The following CRYBG1 variants were observed in gnomAD, a reference collection of about 807,000 sequenced individuals.
CRYBG1 encodes beta/gamma crystallin domain-containing protein 1.
Under a neutral mutation model 189.2 loss-of-function variants are expected in CRYBG1, and 139 were observed. The ratio of observed to expected loss-of-function variants is 0.73; its 90% CI spans 0.64 to 0.85. The LOEUF is 0.85. CRYBG1 is among the 40% of genes least tolerant of loss of function. The pLI is 0.00. For synonymous variants in CRYBG1, 1,023 were observed against 1,017.1 expected (o/e 1.01, Z -0.11); for missense variants, 2,611 against 2,675.8 (o/e 0.98, Z 0.53).
At chr6:106,552,369 T>C (rs1774423992) in intron 15 of CRYBG1, 153 bp downstream of exon 15, 1 of 451,176 alleles carries the variant, frequency 2.2e-6, no homozygotes, top group Non-Finnish European at 3.8e-6. Context: ...GTGGATCACT[T>C]GAGCTCAGGA....
chr6:106,528,152 G>C (rs190498368), intron 7 of CRYBG1, among the ~76,000 whole-genome samples: 11 of 152,344 alleles, frequency 7.2e-5, no homozygotes, highest in Non-Finnish European at 1.2e-4. Flanking sequence ...ATGAGAATGA[G>C]TAAGGATGAG....
At chr6:106,394,496 A>G (rs544483965) in intron 1 of CRYBG1, among the ~76,000 whole-genome samples, 1 of 152,326 alleles carries the variant, frequency 6.6e-6, no homozygotes, top group East Asian at 1.9e-4. Flanking sequence ...TAAAGTTGTT[A>G]CTAAGGGATT....
rs150219944 is a variant in CRYBG1, at chr6:106,412,269, A to G, written c.174-39425A>G. 8.8e-4 allele frequency among the ~76,000 whole-genome samples: 134 copies of G among 152,354 alleles called. 1 individual carries two copies. Among genetic ancestry groups the G allele is most frequent in the African/African-American group, 3.0e-3 (126 of 41,588 alleles). Reference sequence around the variant, plus strand: ...GCTTGATTGAATGTATTTGTTCCCAATACTACATCAGGCAGCCTCACACTG... The same window carrying G: ...GCTTGATTGAATGTATTTGTTCCCAGTACTACATCAGGCAGCCTCACACTG... On this transcript the variant is annotated intron_variant, in intron 1 of 21. Coordinates refer to ENST00000633556, the MANE Select transcript of CRYBG1 (RefSeq NM_001371242.2).
Position 106,420,746 on chromosome 6 carries a change from C to T in CRYBG1, c.174-30948C>T, listed in dbSNP as rs540150670. 2.6e-5 allele frequency: 4 copies of T among 153,216 alleles called. No individual in the cohort carries two copies. The South Asian group carries it at 8.3e-4, about 32-fold the overall frequency. The allele number at this position is 153,216 out of a possible 1,614,324, so 9.5% of individuals were successfully genotyped here. A position where few individuals can be genotyped will look rare whatever the true frequency, so the allele number is the denominator to read the frequency against. ...AGTGGTGTTTACAACTAATTGATCA[C>T]AACCAGTTACAGATTTCATTGTTCC... On this transcript the variant is annotated intron_variant, in intron 1 of 21. Transcript: ENST00000633556.
intron 1 of CRYBG1, among the ~76,000 whole-genome samples, chr6:106,381,228 T>C (rs934206047): frequency 1.3e-5 from 2 of 152,166 alleles, no homozygotes; most frequent in African/African-American, 2.4e-5. Flanking sequence ...TTTACAAAAT[T>C]TGTGTCTGGC....
intron 13 of CRYBG1, 69 bp downstream of exon 13, chr6:106,545,002 G>A: frequency 7.5e-7 from 1 of 1,327,894 alleles, no homozygotes. Context: ...ACTGGTAAGA[G>A]TCTATCACAG....
chr6:106,452,238 C>T (rs1207152388), intron 2 of CRYBG1, among the ~76,000 whole-genome samples: 1 of 127,634 alleles, frequency 7.8e-6, no homozygotes, highest in Admixed American at 8.4e-5. Context: ...GAAACCCAGA[C>T]TCTACTAAAA....
chr6:106,559,508 G>A (rs1774647003), intron 18 of CRYBG1, among the ~76,000 whole-genome samples: 1 of 152,106 alleles, frequency 6.6e-6, no homozygotes, highest in African/African-American at 2.4e-5. Flanking sequence ...GCCGGGCTGG[G>A]TGCAGTGGCT....
At chr6:106,567,905 A>G (rs1774938135) in intron 21 of CRYBG1, among the ~76,000 whole-genome samples, 1 of 152,166 alleles carries the variant, frequency 6.6e-6, no homozygotes, top group East Asian at 1.9e-4. Flanking sequence ...CTGAGTCCCC[A>G]GTAGTGACAA....
In CRYBG1 at chr6:106,512,111, C is replaced by A. The variant is rs971199787; in HGVS notation, c.994C>A (p.Arg332Ser). The change falls in exon 3 of 22, where the codon CGC becomes AGC. Residue 332 changes from arginine to serine, a missense_variant. By Grantham distance (110) the Arg-to-Ser change is moderately radical (BLOSUM62 -1). This residue lies in a region of CRYBG1 where 985 missense variants were observed against 924.4 expected (regional missense o/e 1.07). Transcript: ENST00000633556. ...AGGCTCCCTGGGGCCCCGCAACGCCCGCAGCCAGCCCCCCAAGGGCGCGTC... is the reference window on the plus strand; with the variant it reads ...AGGCTCCCTGGGGCCCCGCAACGCCAGCAGCCAGCCCCCCAAGGGCGCGTC... ...EEGSLGPRNA[R>S]SQPPKGASDL... is the part of the protein sequence containing the mutation. The A allele has an allele frequency of 2.0e-6, 3 of 1,534,404 alleles. No individual in the cohort carries two copies. Among genetic ancestry groups the A allele is most frequent in the African/African-American group, 2.7e-5 (2 of 73,006 alleles).
chr6:106,519,638 T>C lies in CRYBG1; in HGVS notation c.2430T>C (p.His810=), dbSNP rs757533499. 1 of 1,614,064 alleles carries C rather than the reference T, an allele frequency of 6.2e-7. No homozygotes were observed. The highest frequency in any genetic ancestry group is 1.3e-5 in the African/African-American group (1 of 74,926). The change falls in exon 4 of 22, where the codon CAT becomes CAC. Residue 810 remains histidine (H), a synonymous_variant. Coordinates refer to ENST00000633556, the MANE Select transcript of CRYBG1 (RefSeq NM_001371242.2). The part of the protein sequence containing the change: ...VASALIPVKD[H]KLLEKEDSEA... The stretch of plus-strand genomic sequence containing the variant: ...CTGCTCTGATTCCTGTCAAGGATCA[T>C]AAGCTCTTAGAGAAGGAGGACTCAG...
chr6:106,416,538 G>A (rs1771024474), intron 1 of CRYBG1, among the ~76,000 whole-genome samples: 1 of 152,184 alleles, frequency 6.6e-6, no homozygotes, highest in South Asian at 2.1e-4. Context: ...AGTACCTCTG[G>A]CACAGATTTT....
At chr6:106,392,244 G>A (rs1174744965) in intron 1 of CRYBG1, among the ~76,000 whole-genome samples, 1 of 151,976 alleles carries the variant, frequency 6.6e-6, no homozygotes, top group Non-Finnish European at 1.5e-5. Flanking sequence ...ATTGCCCTTT[G>A]CTCCCCAAGC....
At chr6:106,460,259 G>A (rs1771982135) in intron 2 of CRYBG1, among the ~76,000 whole-genome samples, 1 of 151,884 alleles carries the variant, frequency 6.6e-6, no homozygotes, top group Non-Finnish European at 1.5e-5. Flanking sequence ...CCAAAGTGCT[G>A]GGATTACAGG....
chr6:106,538,780 C>G (rs1774061255), intron 8 of CRYBG1, among the ~76,000 whole-genome samples: 2 of 151,866 alleles, frequency 1.3e-5, no homozygotes, highest in Admixed American at 1.3e-4. Flanking sequence ...CCTGTACTCC[C>G]AGCTACTTGG....
chr6:106,445,319 G>A (rs1771646008), intron 1 of CRYBG1, among the ~76,000 whole-genome samples: 1 of 152,152 alleles, frequency 6.6e-6, no homozygotes, highest in Non-Finnish European at 1.5e-5. Context: ...CTCTGAGTGA[G>A]GAGTTGGGTG....
At chr6:106,419,451 C>T (rs996352579) in intron 1 of CRYBG1, among the ~76,000 whole-genome samples, 13 of 152,160 alleles carry the variant, frequency 8.5e-5, no homozygotes, top group African/African-American at 1.9e-4. Flanking sequence ...GGTGTGATCA[C>T]GGCTCACTGC....
chr6:106,366,139 C>T lies in CRYBG1; in HGVS notation c.173+5058C>T, dbSNP rs140898701. On this transcript the variant is annotated intron_variant, in intron 1 of 21. Coordinates refer to ENST00000633556, the MANE Select transcript of CRYBG1 (RefSeq NM_001371242.2). Reference sequence around the variant, plus strand: ...TCTGGAACTGTAGAGTGTTAGTCTTCGTAACTTAAAATTGATTCTAGTTTC... The same window carrying T: ...TCTGGAACTGTAGAGTGTTAGTCTTTGTAACTTAAAATTGATTCTAGTTTC... Among the ~76,000 whole-genome samples the T allele has an allele frequency of 6.7e-3, 1,014 of 152,274 alleles. 5 individuals are homozygous for T. Among genetic ancestry groups the T allele is most frequent in the Non-Finnish European group, 0.012 (832 of 68,016 alleles).
At chr6:106,525,421 GT>G (rs751907051) in intron 6 of CRYBG1, 35 bp downstream of exon 6, 34 of 1,543,822 alleles carry the variant, frequency 2.2e-5, no homozygotes, top group Non-Finnish European at 9.0e-7. Flanking sequence ...GATGTCAAGT[GT>G]TTGAGTTTTA....
Sources: gnomAD v4.1 joint callset for allele counts (sites outside exome capture counted in the v4.1 genomes callset) on GRCh38, gnomAD v4.1.1 for gene constraint, gnomAD v4.1.1 regional missense constraint, MANE v1.5 for transcripts, NCBI Gene and HGNC (gene_info 2026-07-23, HGNC 2026-07-21) for gene names.